Variants in SNX13 observed in about 807,000 individuals in gnomAD.
The protein encoded by SNX13 is sorting nexin-13.
In SNX13, 45 loss-of-function variants were observed where a neutral mutation model predicts 133.6. The observed-to-expected ratio is 0.34, with a 90% CI of 0.27 to 0.43. The LOEUF (loss-of-function observed/expected upper bound fraction) is 0.43. Ranked by LOEUF, SNX13 falls within the 20% of genes least tolerant of loss-of-function variation. SNX13 has a pLI of 1.00. For missense variants in SNX13, 1,032 were observed against 1,145.1 expected, an observed-to-expected ratio of 0.90 and a Z score of 1.43; for synonymous variants, 414 against 373.9, an observed-to-expected ratio of 1.11 and a Z score of -1.24.
chr7:17,864,984 C>A (rs1793206976), intron 9 of SNX13, among the ~76,000 whole-genome samples: 2 of 152,048 alleles, frequency 1.3e-5, no homozygotes, highest in Non-Finnish European at 2.9e-5. Context: ...TGTCTTCCAA[C>A]CTAAAATATA....
intron 1 of SNX13, among the ~76,000 whole-genome samples, chr7:17,900,758 A>G (rs539948475): frequency 6.6e-6 from 1 of 152,246 alleles, no homozygotes; most frequent in African/African-American, 2.4e-5. Flanking sequence ...ACAAGAGCCA[A>G]GGCCTAGAAT....
intron 1 of SNX13, among the ~76,000 whole-genome samples, chr7:17,921,599 C>T (rs1583792228): frequency 6.6e-6 from 1 of 152,182 alleles, no homozygotes; most frequent in African/African-American, 2.4e-5. Flanking sequence ...AACTCCCAGC[C>T]CATTTCCTGT....
At chr7:17,811,595 G>T (rs190399113) in intron 20 of SNX13, among the ~76,000 whole-genome samples, 4 of 152,070 alleles carry the variant, frequency 2.6e-5, no homozygotes, top group Admixed American at 2.6e-4. Context: ...CAGATTCAAC[G>T]ATATCCCCAT....
At chr7:17,876,791 A>G (rs976434391) in intron 5 of SNX13, among the ~76,000 whole-genome samples, 1 of 152,112 alleles carries the variant, frequency 6.6e-6, no homozygotes, top group Non-Finnish European at 1.5e-5. Context: ...TAAAAAACAC[A>G]ATAGATAACT....
intron 5 of SNX13, chr7:17,888,687 G>A (rs989670522): frequency 1.3e-5 from 6 of 470,636 alleles, no homozygotes; most frequent in Non-Finnish European, 2.2e-5. Flanking sequence ...CCACTGAGCA[G>A]GGACTTTGTT....
chr7:17,850,576 C>T lies in SNX13; in HGVS notation c.977-141G>A. 4.4e-5 allele frequency: 27 copies of T among 615,748 alleles called. No homozygotes were observed. In the South Asian group the frequency reaches 7.7e-4, roughly 18 times the overall value. 38.1% of individuals were successfully genotyped at this position (615,748 alleles called of 1,614,324 possible). On this transcript the variant is annotated intron_variant, in intron 10 of 25. Transcript: ENST00000428135. ...ATAAAAGAAACCATCTGAAATTATA[C>T]AGTGAAATTATTTAATTAAAAGTAA...
intron 13 of SNX13, among the ~76,000 whole-genome samples, chr7:17,835,246 C>T (rs1024706410): frequency 4.6e-5 from 7 of 151,832 alleles, no homozygotes; most frequent in Admixed American, 4.6e-4. Flanking sequence ...ATAGGAAACA[C>T]TGTCATTAGG....
At position 17,793,072 on chromosome 7, in the gene SNX13, T is replaced by G. The variant is rs986231090; in HGVS notation, c.*973A>C. 6.6e-6 allele frequency: 1 copy of G among 152,254 alleles called. No individual in the cohort carries two copies. Among genetic ancestry groups the G allele is most frequent in the Non-Finnish European group, 1.5e-5 (1 of 67,826 alleles). 9.4% of individuals were successfully genotyped at this position (152,254 alleles called of 1,614,324 possible). ...TTACTATGACTAATAAGCTCATTAATCATTTAATTTGCTATTTCTGCAGTT... is the reference window on the plus strand; with the variant it reads ...TTACTATGACTAATAAGCTCATTAAGCATTTAATTTGCTATTTCTGCAGTT... On this transcript the variant is annotated 3_prime_UTR_variant, in exon 26 of 26. Coordinates refer to ENST00000428135, the MANE Select transcript of SNX13 (RefSeq NM_015132.5).
At chr7:17,808,948 T>C (rs2128293448) in intron 20 of SNX13, among the ~76,000 whole-genome samples, 1 of 152,242 alleles carries the variant, frequency 6.6e-6, no homozygotes, top group Middle Eastern at 3.4e-3. Context: ...CAAGAGCTCC[T>C]GAAGGAAGCA....
At chr7:17,872,090 T>C (rs1345900135) in intron 8 of SNX13, among the ~76,000 whole-genome samples, 1 of 152,112 alleles carries the variant, frequency 6.6e-6, no homozygotes, top group East Asian at 1.9e-4. Flanking sequence ...TGCCCGGAGC[T>C]CAGAAGGTAA....
chr7:17,859,304 A>G (rs1179721548), intron 9 of SNX13, among the ~76,000 whole-genome samples: 1 of 152,106 alleles, frequency 6.6e-6, no homozygotes, highest in Non-Finnish European at 1.5e-5. Context: ...AAACAGGCCA[A>G]TAATCACAGG....
At chr7:17,856,713 G>A (rs908666994) in intron 9 of SNX13, among the ~76,000 whole-genome samples, 30 of 149,358 alleles carry the variant, frequency 2.0e-4, no homozygotes, top group African/African-American at 6.2e-4. Flanking sequence ...GATCACATGA[G>A]CCTGGTTGAG....
At chr7:17,807,561 G>A (rs1785459042) in intron 20 of SNX13, among the ~76,000 whole-genome samples, 1 of 152,234 alleles carries the variant, frequency 6.6e-6, no homozygotes, top group Non-Finnish European at 1.5e-5. Flanking sequence ...AAACGTTCCT[G>A]CCTGCTGGCT....
At chr7:17,826,231 C>T (rs941108214) in intron 16 of SNX13, 140 bp from the exon 17 acceptor site, 27 of 465,864 alleles carry the variant, frequency 5.8e-5, no homozygotes, top group Non-Finnish European at 7.3e-5. Flanking sequence ...CCTCCATCCC[C>T]TCCATACACA....
rs77689395 is a variant in SNX13, at chr7:17,924,493, A to G, written c.12+15791T>C. On this transcript the variant is annotated intron_variant, in intron 1 of 25. Transcript: ENST00000428135. ...GTGTTCTGGAGGATATGGAGAAAAC[A>G]AAACCTTCCTACACTCCTGGTAGAA... 6.1e-3 allele frequency among the ~76,000 whole-genome samples: 923 copies of G among 152,352 alleles called. 8 individuals are homozygous for G. The highest frequency in any genetic ancestry group is 0.026 in the Admixed American group (392 of 15,304).
chr7:17,926,550 A>C (rs1175030119), intron 1 of SNX13, among the ~76,000 whole-genome samples: 1 of 152,200 alleles, frequency 6.6e-6, no homozygotes, highest in African/African-American at 2.4e-5. Flanking sequence ...AAAATATTAT[A>C]ATCCATGAGT....
At chr7:17,938,262 T>C (rs561729365) in intron 1 of SNX13, among the ~76,000 whole-genome samples, 45 of 152,334 alleles carry the variant, frequency 3.0e-4, no homozygotes, top group African/African-American at 1.1e-3. Flanking sequence ...TAGCATGTTT[T>C]AAAATCTATC....
At chr7:17,834,620 C>A in intron 14 of SNX13, 141 bp downstream of exon 14, 1 of 481,968 alleles carries the variant, frequency 2.1e-6, no homozygotes, top group Non-Finnish European at 3.6e-6. Flanking sequence ...GTTTACATTT[C>A]TGGAATTGAG....
intron 4 of SNX13, 89 bp downstream of exon 4, chr7:17,891,457 A>T: frequency 1.1e-6 from 1 of 884,022 alleles, no homozygotes; most frequent in Non-Finnish European, 1.7e-6. Context: ...GATATTATTT[A>T]AAGAGCAAAA....
Sources: gnomAD v4.1 joint callset for allele counts (sites outside exome capture counted in the v4.1 genomes callset) on GRCh38, gnomAD v4.1.1 for gene constraint, MANE v1.5 for transcripts, NCBI Gene and HGNC (gene_info 2026-07-23, HGNC 2026-07-21) for gene names.